The following AGMO variants were observed in gnomAD, a reference collection of about 807,000 sequenced individuals.
The protein encoded by AGMO is alkylglycerol monooxygenase.
AGMO carries 75 observed loss-of-function variants against 60.2 expected under a neutral mutation model. The ratio of observed to expected loss-of-function variants is 1.25; its 90% CI spans 1.03 to 1.51. The LOEUF is 1.51. Among genes scored for constraint, AGMO ranks in the 40% most tolerant of loss-of-function variants. The pLI, the probability that AGMO is intolerant of heterozygous loss-of-function variation, is 0.00. For missense variants in AGMO, 763 were observed against 525.5 expected, an observed-to-expected ratio of 1.45 and a Z score of -4.42; for synonymous variants, 261 against 177.1, an observed-to-expected ratio of 1.47 and a Z score of -3.76.
intron 2 of AGMO, among the ~76,000 whole-genome samples, chr7:15,552,239 C>T (rs968594182): frequency 1.1e-4 from 16 of 152,290 alleles, no homozygotes; most frequent in Non-Finnish European, 1.8e-4. Flanking sequence ...CTAGGCATTA[C>T]CATTCGGGAC....
At chr7:15,276,056 C>A (rs968644745) in intron 12 of AGMO, among the ~76,000 whole-genome samples, 1 of 152,056 alleles carries the variant, frequency 6.6e-6, no homozygotes, top group Non-Finnish European at 1.5e-5. Flanking sequence ...TGAGGTTGTG[C>A]TTCTGTCCTA....
the AGMO span, among the ~76,000 whole-genome samples, chr7:15,131,570 T>A: frequency 2.0e-5 from 3 of 152,140 alleles, no homozygotes; most frequent in Admixed American, 2.0e-4. Context: ...GTTTGACTAC[T>A]TAGCAGAATT....
chr7:15,292,294 G>A (rs1784286165), intron 12 of AGMO, among the ~76,000 whole-genome samples: 1 of 152,108 alleles, frequency 6.6e-6, no homozygotes, highest in African/African-American at 2.4e-5. Context: ...TCTCTGAAAG[G>A]GGTGAAACCA....
chr7:15,555,292 TACAC>T (rs58173194), intron 2 of AGMO, among the ~76,000 whole-genome samples: 7,373 of 95,370 alleles, frequency 0.077, 284 homozygotes, highest in African/African-American at 0.11. Flanking sequence ...TATATATATA[TACAC>T]ACACACACAC....
At chr7:15,279,628 G>A (rs1783905259) in intron 12 of AGMO, among the ~76,000 whole-genome samples, 1 of 152,036 alleles carries the variant, frequency 6.6e-6, no homozygotes, top group African/African-American at 2.4e-5. Context: ...TTTTTTCCAA[G>A]CAACAATGCA....
chr7:15,520,217 G>A (rs912687228), intron 3 of AGMO, among the ~76,000 whole-genome samples: 10 of 151,984 alleles, frequency 6.6e-5, no homozygotes, highest in East Asian at 5.8e-4. Context: ...AGAGACCTAC[G>A]AAGAGACTTA....
At chr7:15,378,801 A>G (rs1023882436) in intron 10 of AGMO, among the ~76,000 whole-genome samples, 8 of 151,430 alleles carry the variant, frequency 5.3e-5, no homozygotes, top group African/African-American at 2.0e-4. Flanking sequence ...TTAAAATCCA[A>G]CAGAATTTAC....
rs762960282 is a variant in AGMO, at chr7:15,439,803, CG to C, written c.410-8696del. 3.3e-5 allele frequency among the ~76,000 whole-genome samples: 5 copies of C among 152,104 alleles called. No individual in the cohort carries two copies. The East Asian group carries it at 7.7e-4, about 24-fold the overall frequency. ...TACTACCTACAAATACAAAGAGTTG[CG>C]TGATATAGTGTGAAACATGCCAGAT... On this transcript the variant is annotated intron_variant, in intron 3 of 12. Coordinates refer to ENST00000342526, the MANE Select transcript of AGMO (RefSeq NM_001004320.2).
At chr7:15,479,707 A>T (rs571711802) in intron 3 of AGMO, among the ~76,000 whole-genome samples, 1 of 152,314 alleles carries the variant, frequency 6.6e-6, no homozygotes, top group South Asian at 2.1e-4. Flanking sequence ...TCAACCCTGA[A>T]GGCCTGCCTT....
chr7:15,211,979 C>A (rs980435253), intron 12 of AGMO, among the ~76,000 whole-genome samples: 1 of 151,776 alleles, frequency 6.6e-6, no homozygotes, highest in African/African-American at 2.4e-5. Context: ...AGCAGAACTG[C>A]AAAGGAAAGG....
At chr7:15,393,698 T>C (rs1161259609) in intron 6 of AGMO, among the ~76,000 whole-genome samples, 2 of 152,198 alleles carry the variant, frequency 1.3e-5, no homozygotes, top group Non-Finnish European at 2.9e-5. Context: ...TGTTGTTTAT[T>C]GGGCTCTCCT....
At chr7:15,430,126 T>C (rs1022725715) in intron 4 of AGMO, among the ~76,000 whole-genome samples, 2 of 151,926 alleles carry the variant, frequency 1.3e-5, no homozygotes, top group South Asian at 2.1e-4. Flanking sequence ...AGTCAATATA[T>C]AAGGAGATTT....
chr7:15,301,216 A>T (rs1489556154), intron 12 of AGMO, among the ~76,000 whole-genome samples: 2 of 152,184 alleles, frequency 1.3e-5, no homozygotes, highest in Non-Finnish European at 2.9e-5. Context: ...AGGCAGGTGG[A>T]TCACTTGAGG....
At chr7:15,125,499 G>T in the AGMO span, among the ~76,000 whole-genome samples, 1 of 152,072 alleles carries the variant, frequency 6.6e-6, no homozygotes, top group African/African-American at 2.4e-5. Flanking sequence ...TTTGAAGTAT[G>T]CCTCTGCCTC....
chr7:15,296,189 G>A (rs150287194), intron 12 of AGMO, among the ~76,000 whole-genome samples: 75 of 152,010 alleles, frequency 4.9e-4, no homozygotes, highest in Non-Finnish European at 8.7e-4. Context: ...AACCAATATA[G>A]TGCCACTCCA....
chr7:15,261,186 CA>C (rs918747636), intron 12 of AGMO, among the ~76,000 whole-genome samples: 4 of 150,974 alleles, frequency 2.6e-5, no homozygotes, highest in East Asian at 1.9e-4. Flanking sequence ...GAAATTGAAA[CA>C]AAAAAAATAC....
At chr7:15,454,299 T>C (rs1781938735) in intron 3 of AGMO, among the ~76,000 whole-genome samples, 1 of 151,958 alleles carries the variant, frequency 6.6e-6, no homozygotes, top group African/African-American at 2.4e-5. Flanking sequence ...TGCTTTTGCT[T>C]GAAATGTGCT....
intron 3 of AGMO, among the ~76,000 whole-genome samples, chr7:15,540,540 A>C (rs1038993554): frequency 6.6e-6 from 1 of 152,204 alleles, no homozygotes; most frequent in South Asian, 2.1e-4. Flanking sequence ...TCTAGCATCA[A>C]GTGAGCTGGC....
At chr7:15,489,350 TA>T (rs1783008127) in intron 3 of AGMO, among the ~76,000 whole-genome samples, 1 of 152,096 alleles carries the variant, frequency 6.6e-6, no homozygotes. Context: ...AATGTAAAAT[TA>T]AAAATGTTAT....
Sources: allele counts gnomAD v4.1 joint callset (sites outside exome capture counted in the v4.1 genomes callset), GRCh38; gene constraint gnomAD v4.1.1; transcripts MANE v1.5; gene names NCBI Gene and HGNC (gene_info 2026-07-23, HGNC 2026-07-21).